Variants in MBNL2 observed in about 807,000 individuals in gnomAD.
The protein encoded by MBNL2 is muscleblind like splicing regulator 2.
A neutral mutation model predicts 41.9 loss-of-function variants in MBNL2; 17 were observed. The ratio of observed to expected loss-of-function variants is 0.41; its 90% confidence interval spans 0.28 to 0.61. The LOEUF is 0.61. Among genes scored for constraint, MBNL2 ranks in the 20% least tolerant of loss-of-function variants. The probability of loss-of-function intolerance (pLI) is 0.35; values close to 1 mark genes in which losing one functional copy is unlikely to be tolerated. For synonymous variants in MBNL2, 195 were observed against 182.9 expected (o/e 1.07, Z -0.53); for missense variants, 336 against 505.6 (o/e 0.66, Z 3.22).
At chr13:97,311,665 T>C (rs1432736293) in intron 2 of MBNL2, among the ~76,000 whole-genome samples, 1 of 151,478 alleles carries the variant, frequency 6.6e-6, no homozygotes, top group Non-Finnish European at 1.5e-5. Flanking sequence ...TTTCTTTTTT[T>C]TTTAAAAAAA....
In MBNL2 at chr13:97,357,590, C is replaced by T; in HGVS notation, c.967C>T (p.Leu323Phe). ...CAGCGTCTTGCACTACCAGCAGGCT[C>T]TCACCAGCGCACAGTTGCAGCAACA... is the stretch of plus-strand genomic sequence containing the variant. The part of the protein sequence containing the change: ...NPSVLHYQQA[L>F]TSAQLQQHAA... Residue 323 changes from leucine (L) to phenylalanine (F), a missense_variant, in exon 7 of 9, where the codon CTC (leucine) becomes TTC (phenylalanine). Leu to Phe is a conservative substitution (Grantham distance 22). Coordinates refer to ENST00000679496, the MANE Select transcript of MBNL2 (RefSeq NM_001382683.1). 6.2e-7 allele frequency: 1 copy of T among 1,614,114 alleles called. No homozygotes were observed. Among genetic ancestry groups the T allele is most frequent in the Non-Finnish European group, 8.5e-7 (1 of 1,180,000 alleles).
intron 8 of MBNL2, among the ~76,000 whole-genome samples, chr13:97,372,039 C>T (rs550439364): frequency 1.3e-5 from 2 of 152,204 alleles, no homozygotes; most frequent in Non-Finnish European, 2.9e-5. Context: ...AGAGTCCCCT[C>T]AGGTGTAGAG....
chr13:97,362,594 T>C (rs1313052579), intron 7 of MBNL2, among the ~76,000 whole-genome samples: 1 of 152,136 alleles, frequency 6.6e-6, no homozygotes, highest in Non-Finnish European at 1.5e-5. Context: ...AGGTGTAAGA[T>C]GGCCTGGGGA....
At chr13:97,279,810 G>A (rs2052989420) in intron 2 of MBNL2, among the ~76,000 whole-genome samples, 1 of 152,150 alleles carries the variant, frequency 6.6e-6, no homozygotes, top group African/African-American at 2.4e-5. Flanking sequence ...TTTGTTGGTG[G>A]AAAGTGATTT....
Position 97,250,807 on chromosome 13 carries a change from T to A in MBNL2, c.-604-24825T>A, listed in dbSNP as rs781608440. Among the ~76,000 whole-genome samples the A allele has an allele frequency of 1.1e-4, 16 of 152,268 alleles. No individual in the cohort carries two copies. The South Asian group carries it at 1.5e-3, about 14-fold the overall frequency. On this transcript the variant is annotated intron_variant, in intron 1 of 8. Coordinates refer to ENST00000679496, the MANE Select transcript of MBNL2 (RefSeq NM_001382683.1). ...CTCCAACACTAAGTAGAAGGCTCCT[T>A]GATGGAAATTTGATTTAGCTCAGTG...
Position 97,225,768 on chromosome 13 carries a change from C to A in MBNL2, c.-605+3237C>A, listed in dbSNP as rs78246148. On this transcript the variant is annotated intron_variant, in intron 1 of 8. Transcript: ENST00000679496. ...CCCTGTTCACGAAATCTGCTCAAGA[C>A]CCAAGCTAAAGGCCTAGCAAAGAAA... 8.3e-3 allele frequency among the ~76,000 whole-genome samples: 1,266 copies of A among 152,224 alleles called. 16 individuals carry two copies. The highest frequency in any genetic ancestry group is 0.029 in the African/African-American group (1,208 of 41,516).
At chr13:97,189,588 A>G in the MBNL2 span, among the ~76,000 whole-genome samples, 2 of 152,240 alleles carry the variant, frequency 1.3e-5, no homozygotes, top group Admixed American at 6.5e-5. Flanking sequence ...GTGTGGCTAC[A>G]TTCCTGTATA....
upstream of MBNL2, among the ~76,000 whole-genome samples, chr13:97,216,600 T>C (rs2040397818): frequency 6.6e-6 from 1 of 152,148 alleles, no homozygotes; most frequent in South Asian, 2.1e-4. Context: ...TCTCTTCCAG[T>C]AAACCAAACA....
intron 2 of MBNL2, among the ~76,000 whole-genome samples, chr13:97,317,770 A>G (rs2059179293): frequency 6.6e-6 from 1 of 152,200 alleles, no homozygotes; most frequent in Non-Finnish European, 1.5e-5. Flanking sequence ...ATATTTATAA[A>G]ATATACTCGA....
the MBNL2 span, among the ~76,000 whole-genome samples, chr13:97,203,891 T>TGGATGGATGGATGGATGGACGGAC: frequency 2.6e-5 from 4 of 151,754 alleles, no homozygotes; most frequent in Non-Finnish European, 5.9e-5. Flanking sequence ...GATGGATGGA[T>TGGATGGATGGATGGATGGACGGAC]GGATGGATGG....
chr13:97,160,792 C>T, the MBNL2 span, among the ~76,000 whole-genome samples: 2 of 152,194 alleles, frequency 1.3e-5, no homozygotes, highest in Non-Finnish European at 1.5e-5. Context: ...GTTGATTTTA[C>T]AGCCTTCTGA....
At chr13:97,195,148 G>GCAGCCATA in the MBNL2 span, among the ~76,000 whole-genome samples, 1 of 152,128 alleles carries the variant, frequency 6.6e-6, no homozygotes, top group East Asian at 1.9e-4. Context: ...TAACACAAAT[G>GCAGCCATA]CAGCCATATC....
intron 1 of MBNL2, among the ~76,000 whole-genome samples, chr13:97,262,402 A>G (rs1415137303): frequency 6.6e-6 from 1 of 151,038 alleles, no homozygotes; most frequent in Non-Finnish European, 1.5e-5. Flanking sequence ...TCCTCTTGAA[A>G]CTCTGAACCT....
At chr13:97,219,375 C>T (rs2040672981), upstream of MBNL2, among the ~76,000 whole-genome samples, 1 of 152,192 alleles carries the variant, frequency 6.6e-6, no homozygotes, top group African/African-American at 2.4e-5. Flanking sequence ...TATCTTTTTC[C>T]TAAAAGCAAT....
At chr13:97,306,667 G>A (rs2058156111) in intron 2 of MBNL2, among the ~76,000 whole-genome samples, 1 of 152,182 alleles carries the variant, frequency 6.6e-6, no homozygotes, top group African/African-American at 2.4e-5. Context: ...TCTAAGCAAG[G>A]AACAAAGAAG....
intron 2 of MBNL2, among the ~76,000 whole-genome samples, chr13:97,330,867 C>T (rs78486235): frequency 0.015 from 2,347 of 152,104 alleles, 59 homozygotes; most frequent in African/African-American, 0.048. Flanking sequence ...GTAGAGTCTC[C>T]GAGGGTTTGA....
chr13:97,188,818 C>T, the MBNL2 span, among the ~76,000 whole-genome samples: 5 of 152,152 alleles, frequency 3.3e-5, no homozygotes, highest in Non-Finnish European at 5.9e-5. Context: ...TGTCATACTC[C>T]GTTGTCCACT....
At chr13:97,325,746 A>C (rs1329730042) in intron 2 of MBNL2, among the ~76,000 whole-genome samples, 1 of 152,178 alleles carries the variant, frequency 6.6e-6, no homozygotes, top group Non-Finnish European at 1.5e-5. Context: ...AAAAATAAAA[A>C]ATTTTTAAAA....
chr13:97,334,381 G>A lies in MBNL2; in HGVS notation c.280G>A (p.Ala94Thr). ...CAATTTGATTCAGCAAAAAACTGCA[G>A]CAGCAATGCTTGCCCAGCAGATGCA... Reference protein sequence around the residue: ...RNNLIQQKTAAAMLAQQMQFM... With the variant: ...RNNLIQQKTATAMLAQQMQFM... Residue 94 changes from alanine (A) to threonine (T), a missense_variant, in exon 3 of 9, where the codon GCA becomes ACA. Transcript: ENST00000679496. This position sits in a 1 kb window ranked among gnomAD's most constrained non-coding sequence, Gnocchi z 5.3. 1 of 1,613,526 alleles carries A rather than the reference G, an allele frequency of 6.2e-7. No individual in the cohort carries two copies. The highest frequency in any genetic ancestry group is 8.5e-7 in the Non-Finnish European group (1 of 1,179,594).
Sources: gnomAD v4.1 joint callset for allele counts (sites outside exome capture counted in the v4.1 genomes callset) on GRCh38, gnomAD v4.1.1 for gene constraint, Gnocchi (gnomAD v3.1) non-coding constraint, MANE v1.5 for transcripts, NCBI Gene and HGNC (gene_info 2026-07-23, HGNC 2026-07-21) for gene names.